PCSK7: variants seen among roughly 807,000 people sequenced by gnomAD.
The protein encoded by PCSK7 is lymphoma proprotein convertase.
PCSK7 carries 38 observed loss-of-function variants against 73.3 expected under a neutral mutation model. The ratio of observed to expected loss-of-function variants is 0.52; its 90% confidence interval spans 0.40 to 0.68. PCSK7 has a LOEUF of 0.68. PCSK7 is among the 30% of genes least tolerant of loss of function. The pLI, the probability that PCSK7 is intolerant of heterozygous loss-of-function variation, is 0.00. For synonymous variants in PCSK7, 296 were observed against 383.8 expected (o/e 0.77, Z 2.68); for missense variants, 692 against 991.5 (o/e 0.70, Z 4.06).
intron 2 of PCSK7, 136 bp from the exon 3 acceptor site, chr11:117,229,992 A>T (rs967922245): frequency 1.7e-6 from 1 of 600,828 alleles, no homozygotes; most frequent in Non-Finnish European, 2.9e-6. Context: ...GAAACATTTG[A>T]TCTTCTCTTT....
chr11:117,209,682 C>T (rs1220324202), intron 12 of PCSK7: 1 of 154,440 alleles, frequency 6.5e-6, no homozygotes, highest in Non-Finnish European at 1.4e-5. Flanking sequence ...AAAAAGCAAT[C>T]TCAAAAGAAG....
chr11:117,218,987 G>T lies in PCSK7; in HGVS notation c.1431+70C>A. On this transcript the variant is annotated intron_variant, in intron 11 of 16. Transcript: ENST00000320934. The surrounding 1 kb of genome is among the most constrained non-coding windows in gnomAD (Gnocchi z 4.0). The stretch of plus-strand genomic sequence containing the variant: ...CTAGGCACCTATGATATCCCAGGCA[G>T]TTTGGGGCATTCAGCTCCGACCCTT... 1 of 983,912 alleles carries T rather than the reference G, an allele frequency of 1.0e-6. No homozygotes were observed. The highest frequency in any genetic ancestry group is 1.5e-6 in the Non-Finnish European group (1 of 648,478). The allele number at this position is 983,912 out of a possible 1,614,324, so 60.9% of individuals were successfully genotyped here. A position where few individuals can be genotyped will look rare whatever the true frequency, so the allele number is the denominator to read the frequency against.
chr11:117,222,884 T>C (rs909546956), intron 9 of PCSK7: 2 of 249,472 alleles, frequency 8.0e-6, no homozygotes, highest in Non-Finnish European at 1.6e-5. Flanking sequence ...TGACCTCAAG[T>C]GATCCATCCG....
At chr11:117,223,855 G>A (rs940815064) in intron 8 of PCSK7, 1 of 550,036 alleles carries the variant, frequency 1.8e-6, no homozygotes, top group Non-Finnish European at 3.3e-6. Flanking sequence ...TGGTGGGGTG[G>A]AGGCAGCTCG....
chr11:117,224,601 G>A (rs763973136), intron 7 of PCSK7, 100 bp downstream of exon 7: 15 of 950,908 alleles, frequency 1.6e-5, no homozygotes, highest in South Asian at 5.2e-5. Flanking sequence ...GAGACTGAGC[G>A]TGGAGGTGGA....
chr11:117,227,475 C>T (rs1394737392), intron 4 of PCSK7, among the ~76,000 whole-genome samples, 153 bp from the exon 5 acceptor site: 1 of 152,214 alleles, frequency 6.6e-6, no homozygotes, highest in Non-Finnish European at 1.5e-5. Flanking sequence ...TGGAGTCTCA[C>T]TCTGTTGCCC....
chr11:117,220,570 TG>T (rs2134314494), intron 9 of PCSK7: 2 of 152,438 alleles, frequency 1.3e-5, no homozygotes, highest in East Asian at 3.9e-4. Context: ...CTAATATTCT[TG>T]CTCCCATTCC....
intron 7 of PCSK7, among the ~76,000 whole-genome samples, 170 bp downstream of exon 7, chr11:117,224,531 T>C (rs1392885581): frequency 6.6e-6 from 1 of 152,172 alleles, no homozygotes; most frequent in Non-Finnish European, 1.5e-5. Flanking sequence ...CATTTCCCTC[T>C]CTAGGAACAA....
In PCSK7 at chr11:117,227,235, G is replaced by A. The variant is rs778272517; in HGVS notation, c.691C>T (p.Arg231Ter). 6.8e-6 allele frequency: 11 copies of A among 1,613,620 alleles called. No individual in the cohort carries two copies. The Admixed American group carries it at 1.2e-4, about 17-fold the overall frequency. ...DVENGNHHGT[R>*]CAGEIAAVPN... ...ACAGCCGCGATCTCTCCTGCACATC[G>A]CGTGCCATGGTGGTTGCCATTCTCC... The change falls in exon 5 of 17, where the codon CGA becomes TGA. Residue 231 changes from arginine (R) to a stop codon, truncating the protein, a stop_gained. Transcript: ENST00000320934. LOFTEE classifies it high-confidence loss of function.
chr11:117,218,970 C>G lies in PCSK7; in HGVS notation c.1431+87G>C. ...AACTGAATGAACATTTACTAGGCAC[C>G]TATGATATCCCAGGCAGTTTGGGGC... is the stretch of plus-strand genomic sequence containing the variant. On this transcript the variant is annotated intron_variant, in intron 11 of 16. Transcript: ENST00000320934. The surrounding 1 kb of genome is among the most constrained non-coding windows in gnomAD (Gnocchi z 4.0). 9.3e-6 allele frequency: 7 copies of G among 749,860 alleles called. No individual in the cohort carries two copies. Among genetic ancestry groups the G allele is most frequent in the Admixed American group, 2.5e-5 (1 of 39,616 alleles). 46.5% of individuals were successfully genotyped at this position (749,860 alleles called of 1,614,324 possible).
chr11:117,206,406 A>T, intron 16 of PCSK7, 50 bp from the exon 17 acceptor site: 17 of 1,568,906 alleles, frequency 1.1e-5, no homozygotes, highest in Non-Finnish European at 1.5e-5. Context: ...CGAAGCCTAC[A>T]GCCTTTCTCA....
chr11:117,226,078 C>G (rs898925494), intron 5 of PCSK7, 57 bp from the exon 6 acceptor site: 92 of 979,928 alleles, frequency 9.4e-5, no homozygotes, highest in Non-Finnish European at 1.4e-4. Flanking sequence ...AGCCGGGGAA[C>G]TGGGAGGTGG....
chr11:117,231,277 A>G (rs1009338442), intron 1 of PCSK7: 3 of 152,180 alleles, frequency 2.0e-5, no homozygotes, highest in African/African-American at 7.2e-5. Context: ...GGAAAGGAGA[A>G]CTTATGCCAC....
At position 117,225,084 on chromosome 11, in the gene PCSK7, C is replaced by T. The variant is rs981081049; in HGVS notation, c.861-329G>A. On this transcript the variant is annotated intron_variant, in intron 6 of 16. Transcript: ENST00000320934. The stretch of plus-strand genomic sequence containing the variant: ...TTTTTTTTTTTTTTTTCTCCTGAAA[C>T]GGCGTCTTCCTCTGTTGCCCAGGCT... 9.2e-5 allele frequency: 16 copies of T among 174,074 alleles called. No homozygotes were observed. The South Asian group carries it at 1.8e-3, about 19-fold the overall frequency. 10.8% of individuals were successfully genotyped at this position (174,074 alleles called of 1,614,324 possible). A position where few individuals can be genotyped will look rare whatever the true frequency, so the allele number is the denominator to read the frequency against.
At chr11:117,210,896 TCTG>T (rs2031700686) in intron 12 of PCSK7, 2 of 152,070 alleles carry the variant, frequency 1.3e-5, no homozygotes, top group African/African-American at 2.4e-5. Flanking sequence ...TGACTGTGCC[TCTG>T]CACTCTAGCC....
chr11:117,228,529 T>C (rs1455898417), intron 3 of PCSK7, among the ~76,000 whole-genome samples, 179 bp from the exon 4 acceptor site: 3 of 151,944 alleles, frequency 2.0e-5, no homozygotes, highest in Admixed American at 6.6e-5. Context: ...TGCCACAGCC[T>C]TGGATTCTAG....
chr11:117,219,572 C>G lies in PCSK7; in HGVS notation c.1323+19G>C, dbSNP rs2032113909. 1 of 1,609,868 alleles carries G rather than the reference C, an allele frequency of 6.2e-7. No homozygotes were observed. The highest frequency in any genetic ancestry group is 1.3e-5 in the African/African-American group (1 of 74,700). On this transcript the variant is annotated intron_variant, in intron 10 of 16. Coordinates refer to ENST00000320934, the MANE Select transcript of PCSK7 (RefSeq NM_004716.4). ...GAGCAGGCTGGGCCAGGCCACTTGT[C>G]TACCTGCTGGTATCTCACCCGGGTG...
chr11:117,224,680 G>A, intron 7 of PCSK7, 21 bp downstream of exon 7: 1 of 1,601,770 alleles, frequency 6.2e-7, no homozygotes, highest in Non-Finnish European at 8.6e-7. Flanking sequence ...GTTTCTCAGA[G>A]TCTTTGTGCA....
At chr11:117,231,019 G>A (rs981755756) in intron 1 of PCSK7, 2 of 151,008 alleles carry the variant, frequency 1.3e-5, no homozygotes, top group African/African-American at 4.9e-5. Flanking sequence ...CCAATTGCCT[G>A]GGTTTGACAG....
Sources: gnomAD v4.1 joint callset for allele counts (sites outside exome capture counted in the v4.1 genomes callset) on GRCh38, gnomAD v4.1.1 for gene constraint, Gnocchi (gnomAD v3.1) non-coding constraint, MANE v1.5 for transcripts, NCBI Gene and HGNC (gene_info 2026-07-23, HGNC 2026-07-21) for gene names.